SRSF4: variants seen among roughly 807,000 people sequenced by gnomAD.
The protein encoded by SRSF4 is serine and arginine rich splicing factor 4, also known as serine/arginine-rich splicing factor 4.
Under a neutral mutation model 48.8 loss-of-function variants are expected in SRSF4, and 12 were observed. The ratio of observed to expected loss-of-function variants is 0.25; its 90% CI spans 0.16 to 0.40. SRSF4 has a LOEUF of 0.40. Among genes scored for constraint, SRSF4 ranks in the 10% least tolerant of loss-of-function variants. The probability of loss-of-function intolerance (pLI) is 1.00; values close to 1 mark genes in which losing one functional copy is unlikely to be tolerated. For synonymous variants in SRSF4, 248 were observed against 232.5 expected (o/e 1.07, Z -0.61); for missense variants, 466 against 667.1 (o/e 0.70, Z 3.32).
chr1:29,166,311 C>A (rs1017106145), intron 1 of SRSF4, among the ~76,000 whole-genome samples: 5 of 152,174 alleles, frequency 3.3e-5, no homozygotes, highest in African/African-American at 9.7e-5. Context: ...ACTAAAAAAA[C>A]GGTAATTCTT....
chr1:29,160,901 A>G (rs1290529413), intron 1 of SRSF4, among the ~76,000 whole-genome samples: 1 of 152,250 alleles, frequency 6.6e-6, no homozygotes, highest in East Asian at 1.9e-4. Context: ...TTAGCTTTAA[A>G]AGTGGTATCT....
intron 3 of SRSF4, 60 bp downstream of exon 3, chr1:29,159,314 C>T: frequency 8.5e-7 from 1 of 1,174,834 alleles, no homozygotes; most frequent in Non-Finnish European, 1.3e-6. Context: ...CACAAATCTA[C>T]CTGTTTCCCA....
intron 3 of SRSF4, among the ~76,000 whole-genome samples, chr1:29,155,839 T>C (rs991335730): frequency 6.6e-6 from 1 of 152,222 alleles, no homozygotes; most frequent in African/African-American, 2.4e-5. Flanking sequence ...ATAACCATCA[T>C]GTCCCTTCAA....
At chr1:29,163,403 C>T (rs1672626781) in intron 1 of SRSF4, among the ~76,000 whole-genome samples, 1 of 152,190 alleles carries the variant, frequency 6.6e-6, no homozygotes, top group South Asian at 2.1e-4. Context: ...TTCTCTCTGC[C>T]ATTGACATGC....
chr1:29,177,222 G>C lies in SRSF4; in HGVS notation c.107+4424C>G, dbSNP rs549838719. Among the ~76,000 whole-genome samples the C allele has an allele frequency of 4.0e-5, 6 of 151,380 alleles. No individual in the cohort carries two copies. In the East Asian group the frequency reaches 1.2e-3, roughly 29 times the overall value. On this transcript the variant is annotated intron_variant, in intron 1 of 5. Coordinates refer to ENST00000373795, the MANE Select transcript of SRSF4 (RefSeq NM_005626.5). ...GGTATAAACAAGTGCTGCTAATATTGTTGCTTCCTTGACGTGCATCTAGGA... is the reference window on the plus strand; with the variant it reads ...GGTATAAACAAGTGCTGCTAATATTCTTGCTTCCTTGACGTGCATCTAGGA...
intron 3 of SRSF4, among the ~76,000 whole-genome samples, chr1:29,158,644 G>A (rs1000334956): frequency 1.3e-5 from 2 of 152,028 alleles, no homozygotes; most frequent in Non-Finnish European, 2.9e-5. Flanking sequence ...ATTCTTTACA[G>A]AGAGAAATTT....
chr1:29,177,210 G>C (rs932548327), intron 1 of SRSF4, among the ~76,000 whole-genome samples: 2 of 151,644 alleles, frequency 1.3e-5, no homozygotes, highest in Non-Finnish European at 2.9e-5. Flanking sequence ...ATAAACAAGT[G>C]CTGCTAATAT....
At chr1:29,160,211 T>G (rs541978120) in intron 2 of SRSF4, 164 bp downstream of exon 2, 2 of 772,904 alleles carry the variant, frequency 2.6e-6, no homozygotes, top group Admixed American at 3.7e-5. Flanking sequence ...AAATTAAACA[T>G]TATCAAAGGC....
intron 4 of SRSF4, among the ~76,000 whole-genome samples, chr1:29,151,171 C>G (rs1672403002): frequency 6.6e-6 from 1 of 152,158 alleles, no homozygotes; most frequent in African/African-American, 2.4e-5. Flanking sequence ...TTCAAAGCTG[C>G]CCAGGCACCA....
intron 1 of SRSF4, chr1:29,169,137 C>T (rs1405392602): frequency 6.6e-6 from 1 of 152,198 alleles, no homozygotes; most frequent in Non-Finnish European, 1.5e-5. Context: ...AAGTGCTTTA[C>T]ACACATTATA....
At chr1:29,154,648 C>T (rs192308229) in intron 4 of SRSF4, 48 bp downstream of exon 4, 8 of 1,548,640 alleles carry the variant, frequency 5.2e-6, no homozygotes, top group East Asian at 2.2e-5. Context: ...TATGTGCTCA[C>T]TAATGAATTT....
chr1:29,165,550 T>C (rs1183401335), intron 1 of SRSF4, among the ~76,000 whole-genome samples: 1 of 152,254 alleles, frequency 6.6e-6, no homozygotes, highest in Non-Finnish European at 1.5e-5. Flanking sequence ...TGCTCTGTTA[T>C]GTTCTACTGA....
intron 1 of SRSF4, among the ~76,000 whole-genome samples, chr1:29,175,650 G>C (rs992507896): frequency 1.6e-5 from 2 of 121,486 alleles, no homozygotes; most frequent in African/African-American, 6.4e-5. Flanking sequence ...AGCCGAGATT[G>C]CGCCACTGCA....
At chr1:29,158,094 C>T (rs1672528617) in intron 3 of SRSF4, among the ~76,000 whole-genome samples, 1 of 151,708 alleles carries the variant, frequency 6.6e-6, no homozygotes, top group Non-Finnish European at 1.5e-5. Context: ...ACTTGAACCC[C>T]AGAGGCGGAG....
rs760263498 is a variant in SRSF4 at position 29,159,362 on chromosome 1, T to A, written c.363+12A>T. On this transcript the variant is annotated intron_variant, in intron 3 of 5. Transcript: ENST00000373795. The stretch of plus-strand genomic sequence containing the variant: ...GCCCAACCTTACCCCAAAAGGTTAA[T>A]GGGGCCCAAACCTTTAGGTCTTGCC... 1 of 1,600,746 alleles carries A rather than the reference T, an allele frequency of 6.2e-7. No individual in the cohort carries two copies. The highest frequency in any genetic ancestry group is 2.2e-5 in the East Asian group (1 of 44,826).
intron 1 of SRSF4, chr1:29,169,002 G>A (rs1672707067): frequency 6.6e-6 from 1 of 152,194 alleles, no homozygotes; most frequent in Non-Finnish European, 1.5e-5. Flanking sequence ...TCTAAGATGT[G>A]ATTTAATTTT....
At chr1:29,153,507 CTAAG>C (rs1186783920) in intron 4 of SRSF4, among the ~76,000 whole-genome samples, 1 of 151,846 alleles carries the variant, frequency 6.6e-6, no homozygotes, top group African/African-American at 2.4e-5. Context: ...TGTTCAGGTG[CTAAG>C]TAAGACAAAA....
intron 1 of SRSF4, among the ~76,000 whole-genome samples, chr1:29,176,437 T>C (rs1162587443): frequency 6.7e-6 from 1 of 150,086 alleles, no homozygotes; most frequent in Non-Finnish European, 1.5e-5. Flanking sequence ...ACGGTAACGA[T>C]GAATGACAGA....
chr1:29,156,261 T>C (rs1672498022), intron 3 of SRSF4, among the ~76,000 whole-genome samples: 1 of 150,166 alleles, frequency 6.7e-6, no homozygotes, highest in African/African-American at 2.5e-5. Context: ...GGCTGAGGCA[T>C]GAAAATCGCT....
Sources: gnomAD v4.1 joint callset for allele counts (sites outside exome capture counted in the v4.1 genomes callset) on GRCh38, gnomAD v4.1.1 for gene constraint, MANE v1.5 for transcripts, NCBI Gene and HGNC (gene_info 2026-07-23, HGNC 2026-07-21) for gene names.